DPP6: variants seen among roughly 807,000 people sequenced by gnomAD.
DPP6 encodes the protein A-type potassium channel modulatory protein DPP6.
In DPP6, 69 loss-of-function variants were observed where a neutral mutation model predicts 122.6. That is an observed-to-expected ratio of 0.56 (90% confidence interval 0.46 to 0.69). The LOEUF (loss-of-function observed/expected upper bound fraction) is 0.69, where lower values mean the gene tolerates loss of function less well. Ranked by LOEUF, DPP6 falls within the 30% of genes least tolerant of loss-of-function variation. The pLI, the probability that DPP6 is intolerant of heterozygous loss-of-function variation, is 0.00. For synonymous variants in DPP6, 418 were observed against 433.1 expected, an observed-to-expected ratio of 0.97 and a Z score of 0.43; for missense variants, 928 against 1,116.9, an observed-to-expected ratio of 0.83 and a Z score of 2.41.
At chr7:154,140,392 A>G (rs1055820605) in intron 1 of DPP6, among the ~76,000 whole-genome samples, 5 of 152,296 alleles carry the variant, frequency 3.3e-5, no homozygotes, top group Middle Eastern at 3.4e-3. Context: ...ACACTTCACT[A>G]TAGTATAGTT....
At chr7:153,981,565 G>A (rs1461331683) in intron 1 of DPP6, among the ~76,000 whole-genome samples, 1 of 152,146 alleles carries the variant, frequency 6.6e-6, no homozygotes, top group Non-Finnish European at 1.5e-5. Context: ...ACTGTTATGT[G>A]TGAATTTGAT....
At chr7:154,005,227 ATAAC>A (rs1797862474) in intron 1 of DPP6, among the ~76,000 whole-genome samples, 1 of 152,328 alleles carries the variant, frequency 6.6e-6, no homozygotes, top group East Asian at 1.9e-4. Context: ...CCCCAAGAAA[ATAAC>A]TAATTTGCTC....
intron 1 of DPP6, among the ~76,000 whole-genome samples, chr7:154,022,082 C>T (rs1403909210): frequency 6.6e-6 from 1 of 151,950 alleles, no homozygotes; most frequent in Non-Finnish European, 1.5e-5. Context: ...GAGTTTCCTG[C>T]CAACCAACAT....
At chr7:154,451,192 C>G (rs1044894856) in intron 2 of DPP6, among the ~76,000 whole-genome samples, 4 of 151,948 alleles carry the variant, frequency 2.6e-5, no homozygotes, top group Non-Finnish European at 5.9e-5. Context: ...GAAACCCCAT[C>G]TCTACTAAAA....
At chr7:154,546,559 A>T (rs758911993) in intron 4 of DPP6, among the ~76,000 whole-genome samples, 1 of 151,224 alleles carries the variant, frequency 6.6e-6, no homozygotes, top group Non-Finnish European at 1.5e-5. Context: ...TCTTGTTTTA[A>T]TTACTAATTT....
chr7:154,437,705 G>A (rs1434581250), intron 1 of DPP6, among the ~76,000 whole-genome samples: 1 of 152,184 alleles, frequency 6.6e-6, no homozygotes, highest in African/African-American at 2.4e-5. Flanking sequence ...AGAGGCTGAG[G>A]TGGGCGGATC....
intron 2 of DPP6, among the ~76,000 whole-genome samples, chr7:154,462,951 A>T (rs7791161): frequency 0.66 from 99,757 of 151,730 alleles, 33,586 homozygotes; most frequent in East Asian, 0.91. Flanking sequence ...GATTTTTGTA[A>T]CCTGCAACTT....
intron 6 of DPP6, among the ~76,000 whole-genome samples, chr7:154,643,003 T>C (rs1219273290): frequency 6.6e-6 from 1 of 152,216 alleles, no homozygotes; most frequent in East Asian, 1.9e-4. Context: ...CAATATATAT[T>C]TGTAGTCTTA....
chr7:154,875,857 C>T lies in DPP6; in HGVS notation c.1884-49C>T, dbSNP rs771839092. The T allele has an allele frequency of 4.6e-5, 72 of 1,566,112 alleles. No homozygotes were observed. Among genetic ancestry groups the T allele is most frequent in the South Asian group, 2.2e-4 (19 of 85,658 alleles). On this transcript the variant is annotated intron_variant, in intron 19 of 25. Transcript: ENST00000377770. This position sits in a 1 kb window ranked among gnomAD's most constrained non-coding sequence, Gnocchi z 4.5. ...CTGACGTGGCAGCTGCTAGACCAGC[C>T]GCCACCCACCACGCAGCAGGCCTGC...
intron 1 of DPP6, among the ~76,000 whole-genome samples, chr7:154,369,984 T>TTATG (rs1812512001): frequency 6.6e-6 from 1 of 151,280 alleles, no homozygotes; most frequent in Non-Finnish European, 1.5e-5. Context: ...ATTTATTTAT[T>TTATG]TATTTATTTA....
At chr7:154,228,330 A>C (rs1412877082) in intron 1 of DPP6, among the ~76,000 whole-genome samples, 1 of 152,228 alleles carries the variant, frequency 6.6e-6, no homozygotes, top group Non-Finnish European at 1.5e-5. Flanking sequence ...TCCTTGGCTC[A>C]TCAAACCATC....
chr7:153,989,059 G>A (rs1379857934), intron 1 of DPP6, among the ~76,000 whole-genome samples: 1 of 150,730 alleles, frequency 6.6e-6, no homozygotes, highest in African/African-American at 2.4e-5. Context: ...TTCCCAGAGA[G>A]CCCAGCTTCA....
Position 154,583,819 on chromosome 7 carries a change from C to A in DPP6, c.627+16903C>A, listed in dbSNP as rs561613518. Among the ~76,000 whole-genome samples, 107 of 152,300 alleles carry A rather than the reference C, an allele frequency of 7.0e-4. 1 individual carries two copies. The highest frequency in any genetic ancestry group is 2.4e-3 in the African/African-American group (101 of 41,550). On this transcript the variant is annotated intron_variant, in intron 5 of 25. Coordinates refer to ENST00000377770, the MANE Select transcript of DPP6 (RefSeq NM_130797.4). ...CTGTCTCCGGGGAACGTAGAGGGCC[C>A]TCAGACACAGTGTGTGCAACTGATC...
intron 8 of DPP6, among the ~76,000 whole-genome samples, chr7:154,751,255 C>T (rs1843365974): frequency 6.6e-6 from 1 of 151,996 alleles, no homozygotes; most frequent in Non-Finnish European, 1.5e-5. Flanking sequence ...TGGTGAGTGG[C>T]TTCACCTACT....
intron 4 of DPP6, among the ~76,000 whole-genome samples, chr7:154,561,316 G>A (rs551924191): frequency 1.6e-4 from 24 of 152,184 alleles, no homozygotes; most frequent in Non-Finnish European, 2.6e-4. Context: ...CTGAGTGCAC[G>A]TGAAACATTC....
Position 154,013,483 on chromosome 7 carries a change from C to G in DPP6, c.51+125749C>G, listed in dbSNP as rs1299096884. ...CTTTTTTTTTTTTTTTTAACAAATT[C>G]AGGTCTTTGTTCTAGAAGTTAAAAA... On this transcript the variant is annotated intron_variant, in intron 1 of 25. Transcript: ENST00000404039. Among the ~76,000 whole-genome samples, 16 of 133,688 alleles carry G rather than the reference C, an allele frequency of 1.2e-4. 1 individual carries two copies. The highest frequency in any genetic ancestry group is 4.6e-4 in the Admixed American group (6 of 12,906). 87.7% of individuals were successfully genotyped at this position (133,688 alleles called of 152,430 possible). A position where few individuals can be genotyped will look rare whatever the true frequency, so the allele number is the denominator to read the frequency against.
At chr7:154,623,569 A>ACATGCACG in intron 5 of DPP6, among the ~76,000 whole-genome samples, 1 of 108,876 alleles carries the variant, frequency 9.2e-6, no homozygotes, top group African/African-American at 2.9e-5. Context: ...CAACACGCAC[A>ACATGCACG]CACACACGCA....
chr7:154,065,295 C>T (rs570944081), intron 1 of DPP6, among the ~76,000 whole-genome samples: 23 of 111,004 alleles, frequency 2.1e-4, no homozygotes, highest in African/African-American at 7.4e-4. Context: ...GGACACCTCC[C>T]ATCACTCTTT....
chr7:154,578,280 T>C (rs1402323902), intron 5 of DPP6, among the ~76,000 whole-genome samples: 1 of 152,082 alleles, frequency 6.6e-6, no homozygotes, highest in East Asian at 1.9e-4. Context: ...GTAAGGCAAC[T>C]CATCATTGCC....
Sources: gnomAD v4.1 joint callset for allele counts (sites outside exome capture counted in the v4.1 genomes callset) on GRCh38, gnomAD v4.1.1 for gene constraint, Gnocchi (gnomAD v3.1) non-coding constraint, MANE v1.5 for transcripts, NCBI Gene and HGNC (gene_info 2026-07-23, HGNC 2026-07-21) for gene names.